Variants in VPS54 observed in about 807,000 individuals in gnomAD.
The protein encoded by VPS54 is VPS54 subunit of GARP complex.
VPS54 carries 45 observed loss-of-function variants against 121.5 expected under a neutral mutation model. The observed-to-expected ratio is 0.37, with a 90% CI of 0.29 to 0.47. The LOEUF is 0.47. Among genes scored for constraint, VPS54 ranks in the 20% least tolerant of loss-of-function variants. VPS54 has a pLI of 0.99. For synonymous variants in VPS54, 371 were observed against 385.8 expected, an observed-to-expected ratio of 0.96 and a Z score of 0.45; for missense variants, 1,090 against 1,131.4, an observed-to-expected ratio of 0.96 and a Z score of 0.52.
At chr2:63,897,736 T>C (rs1032049570) in intron 21 of VPS54, 146 bp from the exon 22 acceptor site, 8 of 527,310 alleles carry the variant, frequency 1.5e-5, no homozygotes, top group Non-Finnish European at 1.9e-5. Flanking sequence ...GAAAGTATTC[T>C]ATTGCTATTT....
rs1673054798 is a variant in VPS54, at chr2:63,909,677, C to G, written c.2625+2668G>C. On this transcript the variant is annotated intron_variant, in intron 20 of 22. Transcript: ENST00000272322. The stretch of plus-strand genomic sequence containing the variant: ...TCACGATCCACCCACCTCGGCCTCC[C>G]AAAGTGCTGGGATTATAGACGTAAG... 2.0e-5 allele frequency among the ~76,000 whole-genome samples: 3 copies of G among 148,860 alleles called. 1 individual carries two copies. In the Admixed American group the frequency reaches 2.0e-4, roughly 10 times the overall value.
chr2:63,924,626 G>A (rs1673809375), intron 12 of VPS54, among the ~76,000 whole-genome samples: 1 of 152,060 alleles, frequency 6.6e-6, no homozygotes, highest in Admixed American at 6.5e-5. Context: ...ACCAGCCTGG[G>A]CAACATAGTA....
At chr2:64,010,780 C>A (rs1678392170) in intron 1 of VPS54, among the ~76,000 whole-genome samples, 1 of 151,978 alleles carries the variant, frequency 6.6e-6, no homozygotes, top group South Asian at 2.1e-4. Context: ...ATTGAAGGTA[C>A]AATTTAAACA....
chr2:63,916,341 T>G (rs1032426205), intron 16 of VPS54, among the ~76,000 whole-genome samples: 1 of 152,288 alleles, frequency 6.6e-6, no homozygotes, highest in East Asian at 1.9e-4. Context: ...CTTAGTTAAC[T>G]TGAATTTGAG....
intron 1 of VPS54, among the ~76,000 whole-genome samples, chr2:64,011,538 C>T (rs907234305): frequency 2.6e-5 from 4 of 151,990 alleles, no homozygotes; most frequent in Non-Finnish European, 5.9e-5. Context: ...TGCACTCCAG[C>T]TTAGCAACAG....
At chr2:63,896,894 T>C (rs1272540131) in intron 22 of VPS54, among the ~76,000 whole-genome samples, 1 of 152,128 alleles carries the variant, frequency 6.6e-6, no homozygotes, top group Non-Finnish European at 1.5e-5. Context: ...TATTTTCAAA[T>C]CTAAAAAACC....
At chr2:64,002,512 T>C (rs1471215663) in intron 1 of VPS54, among the ~76,000 whole-genome samples, 1 of 152,244 alleles carries the variant, frequency 6.6e-6, no homozygotes, top group Non-Finnish European at 1.5e-5. Context: ...CATCCATTGC[T>C]TAATGTCAGA....
At chr2:63,953,288 C>T (rs1322150554) in intron 7 of VPS54, among the ~76,000 whole-genome samples, 2 of 151,902 alleles carry the variant, frequency 1.3e-5, no homozygotes, top group Non-Finnish European at 2.9e-5. Context: ...TGCACCACCA[C>T]ACCCAGCTAA....
intron 1 of VPS54, among the ~76,000 whole-genome samples, chr2:63,995,735 G>C (rs139042607): frequency 2.0e-5 from 3 of 152,244 alleles, no homozygotes; most frequent in African/African-American, 7.2e-5. Flanking sequence ...AATGCAGTGC[G>C]ACTGGAATAC....
At chr2:63,974,923 TATTAC>T in intron 3 of VPS54, 4 of 1,449,374 alleles carry the variant, frequency 2.8e-6, no homozygotes, top group South Asian at 3.0e-5. Context: ...TTCCTTTTCT[TATTAC>T]ATTAGTTAGG....
chr2:63,984,468 C>T (rs925609351), intron 1 of VPS54, among the ~76,000 whole-genome samples: 5 of 152,144 alleles, frequency 3.3e-5, no homozygotes, highest in East Asian at 1.9e-4. Context: ...GGAGATGAAA[C>T]GAGATCTTAT....
At chr2:63,997,742 T>G (rs919919647) in intron 1 of VPS54, among the ~76,000 whole-genome samples, 1 of 152,064 alleles carries the variant, frequency 6.6e-6, no homozygotes, top group East Asian at 1.9e-4. Context: ...CCACTAATTT[T>G]GTTTGGCTTG....
At chr2:63,975,440 G>T (rs796294173) in intron 3 of VPS54, 2 of 160,274 alleles carry the variant, frequency 1.2e-5, no homozygotes, top group African/African-American at 2.4e-5. Context: ...TTTAGGAGTC[G>T]AGTCATGCAA....
intron 8 of VPS54, 70 bp downstream of exon 8, chr2:63,948,967 A>C: frequency 6.4e-7 from 1 of 1,562,046 alleles, no homozygotes; most frequent in Non-Finnish European, 8.6e-7. Context: ...CTATAATCTG[A>C]GAAAAATGTG....
chr2:63,947,377 A>G lies in VPS54; in HGVS notation c.1245+6T>C. 6.5e-7 allele frequency: 1 copy of G among 1,538,180 alleles called. No homozygotes were observed. The highest frequency in any genetic ancestry group is 8.8e-7 in the Non-Finnish European group (1 of 1,135,536). On this transcript the variant is annotated splice_donor_region_variant and intron_variant, in intron 9 of 22. Transcript: ENST00000272322. ...CAAAATATGTCAAATAAAAATGCAT[A>G]ATTACCTGTTTAATGATATTCTTTG... is the stretch of plus-strand genomic sequence containing the variant.
intron 11 of VPS54, among the ~76,000 whole-genome samples, chr2:63,937,384 T>C (rs1185165178): frequency 6.6e-6 from 1 of 151,784 alleles, no homozygotes; most frequent in Non-Finnish European, 1.5e-5. Context: ...AATAAGCACA[T>C]AAAAAAGATG....
chr2:63,963,546 A>G (rs1008177005), intron 6 of VPS54, among the ~76,000 whole-genome samples: 1 of 152,148 alleles, frequency 6.6e-6, no homozygotes, highest in Non-Finnish European at 1.5e-5. Flanking sequence ...TCATAAGATT[A>G]GAAGAGACTA....
intron 5 of VPS54, among the ~76,000 whole-genome samples, chr2:63,967,813 G>A (rs1676079518): frequency 6.6e-6 from 1 of 151,748 alleles, no homozygotes; most frequent in East Asian, 1.9e-4. Flanking sequence ...AAATGTTATG[G>A]GAATTTGGCA....
At chr2:63,946,551 T>G (rs1313980713) in intron 9 of VPS54, among the ~76,000 whole-genome samples, 1 of 152,106 alleles carries the variant, frequency 6.6e-6, no homozygotes, top group African/African-American at 2.4e-5. Flanking sequence ...TTATTTAACT[T>G]TTAAACTTAA....
Sources: gnomAD v4.1 joint callset for allele counts (sites outside exome capture counted in the v4.1 genomes callset) on GRCh38, gnomAD v4.1.1 for gene constraint, MANE v1.5 for transcripts, NCBI Gene and HGNC (gene_info 2026-07-23, HGNC 2026-07-21) for gene names.